DSG2: variants seen among roughly 807,000 people sequenced by gnomAD.
DSG2 encodes the protein desmoglein-2.
Under a neutral mutation model 75.6 loss-of-function variants are expected in DSG2, and 45 were observed. The ratio of observed to expected loss-of-function variants is 0.60; its 90% CI spans 0.47 to 0.76. The LOEUF is 0.76. Ranked by LOEUF, DSG2 falls within the 30% of genes least tolerant of loss-of-function variation. DSG2 has a pLI of 0.00. For synonymous variants in DSG2, 429 were observed against 483.9 expected (o/e 0.89, Z 1.49); for missense variants, 1,267 against 1,357.4 (o/e 0.93, Z 1.05).
intron 13 of DSG2, 112 bp from the exon 14 acceptor site, chr18:31,542,408 A>T: frequency 9.2e-7 from 1 of 1,081,494 alleles, no homozygotes; most frequent in Non-Finnish European, 1.4e-6. Context: ...AACTGGCCTC[A>T]GTGGAAATAG....
intron 12 of DSG2, among the ~76,000 whole-genome samples, chr18:31,540,668 G>A (rs2073260915): frequency 6.6e-6 from 1 of 152,174 alleles, no homozygotes; most frequent in South Asian, 2.1e-4. Context: ...GTGGCAGATG[G>A]GCATGCAGGT....
At position 31,520,806 on chromosome 18, in the gene DSG2, C is replaced by T. The variant is rs772406363; in HGVS notation, c.220C>T (p.His74Tyr). 1 of 1,613,428 alleles carries T rather than the reference C, an allele frequency of 6.2e-7. No individual in the cohort carries two copies. Among genetic ancestry groups the T allele is most frequent in the Non-Finnish European group, 8.5e-7 (1 of 1,179,638 alleles). Residue 74 changes from histidine to tyrosine, a missense_variant, in exon 4 of 15, where the codon CAT (histidine) becomes TAT (tyrosine). Coordinates refer to ENST00000261590, the MANE Select transcript of DSG2 (RefSeq NM_001943.5). ...LSKKNPIAKI[H>Y]SDLAEERGLK... ...ATTCCTGTTATTTTTATGTTAGATA[C>T]ATTCTGATCTTGCAGAAGAAAGAGG... is the stretch of plus-strand genomic sequence containing the variant.
chr18:31,538,985 CT>C lies in DSG2; in HGVS notation c.1879+10del. The C allele has an allele frequency of 6.2e-7, 1 of 1,612,016 alleles. No individual in the cohort carries two copies. The highest frequency in any genetic ancestry group is 8.5e-7 in the Non-Finnish European group (1 of 1,179,672). ...GCCTTTCTGCTCCTGCTATGTAAGT[CT>C]TTAAAAGCCACTCTGTTGTGCTTTT... On this transcript the variant is annotated splice_region_variant and intron_variant, in intron 12 of 14. Coordinates refer to ENST00000261590, the MANE Select transcript of DSG2 (RefSeq NM_001943.5).
chr18:31,498,334 G>A, intron 1 of DSG2, 38 bp downstream of exon 1: 2 of 1,252,700 alleles, frequency 1.6e-6, no homozygotes, highest in Non-Finnish European at 2.0e-6. Context: ...CCACCGCCGG[G>A]GAGGGCGTCG....
At chr18:31,508,039 C>T (rs913181544) in intron 1 of DSG2, among the ~76,000 whole-genome samples, 4 of 152,126 alleles carry the variant, frequency 2.6e-5, no homozygotes, top group African/African-American at 4.8e-5. Flanking sequence ...AGGTTTTCTT[C>T]TAGGATTTTT....
At chr18:31,509,742 G>A (rs2073056994) in intron 1 of DSG2, among the ~76,000 whole-genome samples, 1 of 152,140 alleles carries the variant, frequency 6.6e-6, no homozygotes, top group African/African-American at 2.4e-5. Context: ...ACTGCACTGG[G>A]TCACTTGAAC....
rs979865463 is a variant in DSG2, at chr18:31,498,259, G to A, written c.8G>A (p.Arg3Gln). The A allele has an allele frequency of 3.2e-6, 4 of 1,260,446 alleles. No individual in the cohort carries two copies. The African/African-American group carries it at 6.2e-5, about 20-fold the overall frequency. The allele number at this position is 1,260,446 out of a possible 1,614,324, so 78.1% of individuals were successfully genotyped here. MARSPGRAYALLL... is the reference protein window; with the variant it reads MAQSPGRAYALLL... Reference sequence around the variant, plus strand: ...GGCGGAGGCGAGGGTGCGATGGCGCGGAGCCCGGGACGCGCGTACGCCCTG... The same window carrying A: ...GGCGGAGGCGAGGGTGCGATGGCGCAGAGCCCGGGACGCGCGTACGCCCTG... Residue 3 changes from arginine to glutamine, a missense_variant, in exon 1 of 15, where the codon CGG becomes CAG. Coordinates refer to ENST00000261590, the MANE Select transcript of DSG2 (RefSeq NM_001943.5).
chr18:31,517,578 A>G (rs9949790), intron 1 of DSG2, among the ~76,000 whole-genome samples: 22,507 of 152,198 alleles, frequency 0.15, 2,111 homozygotes, highest in African/African-American at 0.27. Context: ...TAATGCATCA[A>G]TTTTTAAAAT....
Position 31,524,880 on chromosome 18 carries a change from CTTA to C in DSG2, c.1010_1012del (p.Ile337del). 1.2e-6 allele frequency: 2 copies of C among 1,614,104 alleles called. No homozygotes were observed. Among genetic ancestry groups the C allele is most frequent in the Non-Finnish European group, 1.7e-6 (2 of 1,179,960 alleles). ...TCAAACTAACGAAGGAATTGTGACC[CTTA>C]TTAAGGTAAGTACTAAGTATTCAAA... is the stretch of plus-strand genomic sequence containing the variant. On this transcript the variant is annotated inframe_deletion, in exon 8 of 15. Coordinates refer to ENST00000261590, the MANE Select transcript of DSG2 (RefSeq NM_001943.5).
In DSG2 at chr18:31,536,316, T is replaced by C; in HGVS notation, c.1538T>C (p.Val513Ala). 6.2e-7 allele frequency: 1 copy of C among 1,614,190 alleles called. No individual in the cohort carries two copies. Among genetic ancestry groups the C allele is most frequent in the African/African-American group, 1.3e-5 (1 of 75,056 alleles). ...VQTICHDAEYVNVTAEDLDGH... is the reference protein window; with the variant it reads ...VQTICHDAEYANVTAEDLDGH... ...ACAATCTGTCACGATGCAGAGTATG[T>C]GAATGTTACTGCAGAGGACCTGGAT... is the stretch of plus-strand genomic sequence containing the variant. Residue 513 changes from valine (V) to alanine (A), a missense_variant, in exon 11 of 15, where the codon GTG becomes GCG. By Grantham distance (64) the Val-to-Ala change is moderately conservative. Coordinates refer to ENST00000261590, the MANE Select transcript of DSG2 (RefSeq NM_001943.5).
At chr18:31,544,506 C>G (rs1039544658) in intron 14 of DSG2, among the ~76,000 whole-genome samples, 2 of 151,852 alleles carry the variant, frequency 1.3e-5, no homozygotes, top group Non-Finnish European at 2.9e-5. Context: ...AGCTTCCACC[C>G]TCAGAAGTTA....
intron 5 of DSG2, 108 bp from the exon 6 acceptor site, chr18:31,521,975 A>G: frequency 1.0e-6 from 1 of 1,000,116 alleles, no homozygotes; most frequent in Non-Finnish European, 1.5e-6. Context: ...TGTGATTTTG[A>G]TAAGCACCTG....
Position 31,498,262 on chromosome 18 carries a change from G to T in DSG2, c.11G>T (p.Ser4Ile). The T allele has an allele frequency of 1.6e-6, 2 of 1,262,310 alleles. No individual in the cohort carries two copies. The highest frequency in any genetic ancestry group is 3.1e-5 in the East Asian group (1 of 32,152). The allele number at this position is 1,262,310 out of a possible 1,614,324, so 78.2% of individuals were successfully genotyped here. The change falls in exon 1 of 15, where the codon AGC (serine) becomes ATC (isoleucine). Residue 4 changes from serine (S) to isoleucine (I), a missense_variant. Ser to Ile is a moderately radical substitution (Grantham distance 142). Transcript: ENST00000261590. ...GGAGGCGAGGGTGCGATGGCGCGGA[G>T]CCCGGGACGCGCGTACGCCCTGCTG... Reference protein sequence around the residue: MARSPGRAYALLLL... With the variant: MARIPGRAYALLLL...
Position 31,542,736 on chromosome 18 carries a change from A to G in DSG2, c.2218A>G (p.Met740Val). The G allele has an allele frequency of 6.2e-7, 1 of 1,614,190 alleles. No homozygotes were observed. Among genetic ancestry groups the G allele is most frequent in the South Asian group, 1.1e-5 (1 of 91,084 alleles). ...TQFTGATGAI[M>V]TTETTKTARA... The stretch of plus-strand genomic sequence containing the variant: ...GTTTACAGGGGCCACAGGCGCTATC[A>G]TGACCACTGAAACCACGAAGACCGC... The change falls in exon 14 of 15, where the codon ATG becomes GTG. Residue 740 changes from methionine to valine, a missense_variant. Physicochemically the swap from Met to Val is conservative, Grantham distance 21. Coordinates refer to ENST00000261590, the MANE Select transcript of DSG2 (RefSeq NM_001943.5).
chr18:31,518,886 G>A (rs1396025787), intron 2 of DSG2, among the ~76,000 whole-genome samples: 1 of 152,050 alleles, frequency 6.6e-6, no homozygotes, highest in African/African-American at 2.4e-5. Flanking sequence ...AATTTCCCTT[G>A]GATAAAATAT....
At chr18:31,536,782 C>G (rs1261074112) in intron 11 of DSG2, among the ~76,000 whole-genome samples, 3 of 152,208 alleles carry the variant, frequency 2.0e-5, no homozygotes, top group Non-Finnish European at 4.4e-5. Context: ...ATTTATTGAG[C>G]ACTTGCTATG....
chr18:31,502,167 C>T (rs541901501), intron 1 of DSG2, among the ~76,000 whole-genome samples: 3 of 152,238 alleles, frequency 2.0e-5, no homozygotes, highest in South Asian at 2.1e-4. Flanking sequence ...CATTGGCCTA[C>T]GTACTCTCTG....
intron 6 of DSG2, chr18:31,522,468 G>A (rs574402028): frequency 6.8e-5 from 32 of 470,632 alleles, no homozygotes; most frequent in African/African-American, 3.5e-4. Context: ...CTGTATGCAC[G>A]TTGAATGTGT....
At chr18:31,508,454 C>T (rs760395274) in intron 1 of DSG2, among the ~76,000 whole-genome samples, 19 of 151,746 alleles carry the variant, frequency 1.3e-4, no homozygotes, top group East Asian at 3.9e-4. Context: ...AGTGCAGTGG[C>T]GCCATCTCGG....
Sources: gnomAD v4.1 joint callset for allele counts (sites outside exome capture counted in the v4.1 genomes callset) on GRCh38, gnomAD v4.1.1 for gene constraint, MANE v1.5 for transcripts, NCBI Gene and HGNC (gene_info 2026-07-23, HGNC 2026-07-21) for gene names.